Variants in EVL observed in about 807,000 individuals in gnomAD.
The protein encoded by EVL is ena/VASP-like protein.
A neutral mutation model predicts 59.6 loss-of-function variants in EVL; 21 were observed. The observed-to-expected ratio is 0.35, with a 90% confidence interval of 0.25 to 0.51. The LOEUF is 0.51. Ranked by LOEUF, EVL falls within the 20% of genes least tolerant of loss-of-function variation. The pLI is 0.97. For missense variants in EVL, 462 were observed against 546.6 expected, an observed-to-expected ratio of 0.85 and a Z score of 1.54; for synonymous variants, 198 against 203.5, an observed-to-expected ratio of 0.97 and a Z score of 0.23.
chr14:100,117,271 A>G (rs1362856878), intron 3 of EVL, among the ~76,000 whole-genome samples: 1 of 152,220 alleles, frequency 6.6e-6, no homozygotes, highest in African/African-American at 2.4e-5. Context: ...AGCTCCTGGG[A>G]TACCTCTCCC....
chr14:100,140,174 G>C, intron 11 of EVL: 1 of 152,176 alleles, frequency 6.6e-6, no homozygotes, highest in East Asian at 1.9e-4. Flanking sequence ...GGAGGTTGAG[G>C]CTGCAGTGAG....
chr14:100,042,354 T>A (rs2061480159), intron 1 of EVL, among the ~76,000 whole-genome samples: 1 of 152,220 alleles, frequency 6.6e-6, no homozygotes, highest in Admixed American at 6.5e-5. Context: ...CATTGTTGCA[T>A]TTAGCAAATG....
intron 1 of EVL, among the ~76,000 whole-genome samples, chr14:100,052,524 G>A (rs191116366): frequency 6.6e-6 from 1 of 152,270 alleles, no homozygotes; most frequent in African/African-American, 2.4e-5. Context: ...GGCCAAGGCA[G>A]GAGGATTGCT....
At chr14:100,133,896 C>T (rs1225322745) in intron 8 of EVL, among the ~76,000 whole-genome samples, 1 of 152,178 alleles carries the variant, frequency 6.6e-6, no homozygotes, top group Non-Finnish European at 1.5e-5. Context: ...GAGATCGCAC[C>T]ATTGCACTCC....
At chr14:100,118,424 A>G (rs1887486873) in intron 3 of EVL, among the ~76,000 whole-genome samples, 1 of 152,264 alleles carries the variant, frequency 6.6e-6, no homozygotes, top group African/African-American at 2.4e-5. Context: ...TTGAAAAGGT[A>G]CAATACAAGG....
In EVL at chr14:100,084,883, C is replaced by G. The variant is rs376926028; in HGVS notation, c.180+28C>G. Reference sequence around the variant, plus strand: ...CAGTGCTGGAATTACAGATTATACCCGTGAGCCTGCGCACCACCTCCTCAC... The same window carrying G: ...CAGTGCTGGAATTACAGATTATACCGGTGAGCCTGCGCACCACCTCCTCAC... On this transcript the variant is annotated intron_variant, in intron 2 of 13. Coordinates refer to ENST00000392920, the MANE Select transcript of EVL (RefSeq NM_016337.3). 8.5e-5 allele frequency: 137 copies of G among 1,610,452 alleles called. 1 individual carries two copies. In the African/African-American group the frequency reaches 1.5e-3, roughly 18 times the overall value.
intron 1 of EVL, among the ~76,000 whole-genome samples, chr14:100,038,948 T>A (rs1473697323): frequency 1.3e-5 from 2 of 152,100 alleles, no homozygotes; most frequent in African/African-American, 4.8e-5. Flanking sequence ...TCCTCAAGAG[T>A]GGGGACTGTG....
intron 4 of EVL, among the ~76,000 whole-genome samples, chr14:100,124,704 C>T (rs1375748123): frequency 6.6e-6 from 1 of 152,210 alleles, no homozygotes; most frequent in African/African-American, 2.4e-5. Context: ...GAGTGAGCCA[C>T]CAGACGCCAG....
At chr14:100,010,596 C>G (rs1396804474) in intron 1 of EVL, among the ~76,000 whole-genome samples, 1 of 152,142 alleles carries the variant, frequency 6.6e-6, no homozygotes, top group African/African-American at 2.4e-5. Flanking sequence ...AGGGTTTCGC[C>G]ATGTTGGCCA....
In EVL at chr14:100,143,851, C is replaced by T. The variant is rs928858545; in HGVS notation, c.*113C>T. On this transcript the variant is annotated 3_prime_UTR_variant, in exon 14 of 14. Transcript: ENST00000392920. Reference sequence around the variant, plus strand: ...CAGAGCACGCACAGGAGCCTGGGCGCGCTGCTGTGAAACGTCCTGACCTGT... The same window carrying T: ...CAGAGCACGCACAGGAGCCTGGGCGTGCTGCTGTGAAACGTCCTGACCTGT... 34 of 1,313,374 alleles carry T rather than the reference C, an allele frequency of 2.6e-5. No homozygotes were observed. The highest frequency in any genetic ancestry group is 5.8e-5 in the African/African-American group (4 of 68,652). 81.4% of individuals were successfully genotyped at this position (1,313,374 alleles called of 1,614,324 possible).
At chr14:100,102,220 T>C in intron 3 of EVL, 5 of 455,276 alleles carry the variant, frequency 1.1e-5, no homozygotes, top group South Asian at 7.8e-5. Flanking sequence ...TTTTTATCAG[T>C]ACCTTTGACA....
chr14:100,080,437 G>A (rs915664999), intron 1 of EVL, among the ~76,000 whole-genome samples: 1 of 152,168 alleles, frequency 6.6e-6, no homozygotes, highest in African/African-American at 2.4e-5. Flanking sequence ...AGAGCTCAGC[G>A]AGTACTCAGC....
chr14:100,011,781 G>A (rs774921544), intron 1 of EVL, among the ~76,000 whole-genome samples: 1 of 152,198 alleles, frequency 6.6e-6, no homozygotes, highest in Non-Finnish European at 1.5e-5. Context: ...TGGCCTGGAT[G>A]AAGACTTAAA....
At chr14:100,079,848 C>T (rs986571952) in intron 1 of EVL, among the ~76,000 whole-genome samples, 3 of 152,034 alleles carry the variant, frequency 2.0e-5, no homozygotes, top group South Asian at 2.1e-4. Flanking sequence ...AGTGACAGCC[C>T]GAGATTGACT....
chr14:100,061,403 CAAAAAAAAAAAAAA>C (rs56656380), upstream of EVL, among the ~76,000 whole-genome samples: 158 of 19,114 alleles, frequency 8.3e-3, 1 homozygote, highest in African/African-American at 0.04. Flanking sequence ...GACCCTGTCT[CAAAAAAAAAAAAAA>C]AAAAAAAAAA....
At chr14:100,117,327 G>A (rs1887414061) in intron 3 of EVL, among the ~76,000 whole-genome samples, 1 of 152,098 alleles carries the variant, frequency 6.6e-6, no homozygotes, top group Non-Finnish European at 1.5e-5. Context: ...ATTGGGTGCT[G>A]GCAATGTGCC....
chr14:100,022,533 GC>G (rs1284261351), intron 1 of EVL, among the ~76,000 whole-genome samples: 1 of 152,072 alleles, frequency 6.6e-6, no homozygotes, highest in Non-Finnish European at 1.5e-5. Context: ...ACCCACCTTG[GC>G]CCCCAGAAGT....
intron 2 of EVL, 49 bp downstream of exon 2, chr14:100,084,904 C>G (rs2062403921): frequency 1.9e-6 from 3 of 1,595,106 alleles, no homozygotes; most frequent in Non-Finnish European, 2.6e-6. Flanking sequence ...GCACCACCTC[C>G]TCACCGCCCA....
rs188064992 is a variant in EVL, at chr14:100,028,047, C to A, written c.5+55990C>A. ...AGTAAAATCAGTCTCTTCAGTATAC[C>A]AATTTCCTTTCTTTTGGATATATAT... On this transcript the variant is annotated intron_variant, in intron 1 of 13. Coordinates refer to the EVL transcript ENST00000402714. Among the ~76,000 whole-genome samples the A allele has an allele frequency of 5.9e-5, 9 of 152,054 alleles. No individual in the cohort carries two copies. The East Asian group carries it at 1.7e-3, about 29-fold the overall frequency.
Sources: allele counts gnomAD v4.1 joint callset (sites outside exome capture counted in the v4.1 genomes callset), GRCh38; gene constraint gnomAD v4.1.1; transcripts MANE v1.5; gene names NCBI Gene and HGNC (gene_info 2026-07-23, HGNC 2026-07-21).